METTL15: variants seen among roughly 807,000 people sequenced by gnomAD.
METTL15 encodes methyltransferase 15, mitochondrial 12S rRNA N4-cytidine.
A neutral mutation model predicts 38.3 loss-of-function variants in METTL15; 34 were observed. The ratio of observed to expected loss-of-function variants is 0.89; its 90% CI spans 0.68 to 1.18. The LOEUF is 1.18. METTL15 is among the 50% of genes most tolerant of loss of function. The pLI is 0.00. For missense variants in METTL15, 438 were observed against 498.4 expected, an observed-to-expected ratio of 0.88 and a Z score of 1.15; for synonymous variants, 162 against 170.9, an observed-to-expected ratio of 0.95 and a Z score of 0.41.
intron 3 of METTL15, among the ~76,000 whole-genome samples, chr11:28,143,970 C>G (rs1417367175): frequency 6.6e-6 from 1 of 152,122 alleles, no homozygotes; most frequent in Non-Finnish European, 1.5e-5. Context: ...ATTTCATTTC[C>G]AGGTTAGGTT....
intron 3 of METTL15, among the ~76,000 whole-genome samples, chr11:28,129,090 A>G (rs1356833890): frequency 6.6e-6 from 1 of 152,220 alleles, no homozygotes; most frequent in East Asian, 1.9e-4. Flanking sequence ...CTCATAGGAC[A>G]TGATGGAGAA....
At chr11:28,264,782 A>C (rs2133946238) in intron 4 of METTL15, among the ~76,000 whole-genome samples, 1 of 152,274 alleles carries the variant, frequency 6.6e-6, no homozygotes, top group East Asian at 1.9e-4. Flanking sequence ...GAGCTTGGAC[A>C]AATTACCATT....
At chr11:28,409,119 A>AG (rs1850701781) in intron 5 of METTL15, among the ~76,000 whole-genome samples, 1 of 152,146 alleles carries the variant, frequency 6.6e-6, no homozygotes, top group Non-Finnish European at 1.5e-5. Flanking sequence ...GCAGTGGCTC[A>AG]CGCCTGTAAT....
intron 5 of METTL15, among the ~76,000 whole-genome samples, chr11:28,378,164 T>C (rs1291958210): frequency 6.6e-6 from 1 of 152,164 alleles, no homozygotes; most frequent in East Asian, 1.9e-4. Context: ...CAGGCCTCCT[T>C]GAGCTGTGGT....
intron 3 of METTL15, among the ~76,000 whole-genome samples, chr11:28,114,302 A>G (rs1228001177): frequency 2.0e-5 from 3 of 152,102 alleles, no homozygotes; most frequent in Non-Finnish European, 4.4e-5. Flanking sequence ...TGTTGCATGT[A>G]TCTGTACTTG....
At chr11:28,363,877 C>A (rs893612513) in intron 5 of METTL15, among the ~76,000 whole-genome samples, 44 of 152,196 alleles carry the variant, frequency 2.9e-4, no homozygotes, top group African/African-American at 1.0e-3. Flanking sequence ...AGGTAGGAGT[C>A]CAGTTTTATT....
At chr11:28,431,303 G>C (rs1177504751) in intron 6 of METTL15, among the ~76,000 whole-genome samples, 14 of 145,380 alleles carry the variant, frequency 9.6e-5, no homozygotes, top group Admixed American at 7.7e-4. Flanking sequence ...TTGAGAACAG[G>C]CCAGGATGAC....
intron 3 of METTL15, among the ~76,000 whole-genome samples, chr11:28,202,363 G>T (rs1156252630): frequency 3.3e-5 from 5 of 152,046 alleles, no homozygotes; most frequent in African/African-American, 9.7e-5. Context: ...CTCCAGTTTA[G>T]TCCATCTTGC....
intron 6 of METTL15, among the ~76,000 whole-genome samples, chr11:28,310,990 G>GTC (rs1439852458): frequency 1.3e-5 from 2 of 148,228 alleles, no homozygotes; most frequent in African/African-American, 2.6e-5. Flanking sequence ...GTGTGTGTGT[G>GTC]TGTGTGTGTG....
intron 6 of METTL15, among the ~76,000 whole-genome samples, chr11:28,472,322 T>C (rs1851310215): frequency 6.6e-6 from 1 of 152,146 alleles, no homozygotes; most frequent in South Asian, 2.1e-4. Context: ...CTCAATAAAG[T>C]AGTCATCAAT....
chr11:28,527,917 G>C (rs1054695434), downstream of METTL15, among the ~76,000 whole-genome samples: 2 of 152,080 alleles, frequency 1.3e-5, no homozygotes, highest in African/African-American at 4.8e-5. Flanking sequence ...ATAATTCCTT[G>C]TCTGGAATAA....
intron 3 of METTL15, among the ~76,000 whole-genome samples, chr11:28,174,133 G>T (rs1266669979): frequency 6.6e-6 from 1 of 152,140 alleles, no homozygotes; most frequent in Non-Finnish European, 1.5e-5. Context: ...TTCATTGGGG[G>T]TGGAATATCT....
intron 3 of METTL15, among the ~76,000 whole-genome samples, chr11:28,143,529 T>G (rs1486471230): frequency 6.6e-6 from 1 of 152,188 alleles, no homozygotes; most frequent in Non-Finnish European, 1.5e-5. Context: ...TAATTCATCC[T>G]TCTTCTTTTG....
At chr11:28,410,171 A>T (rs1850712551) in intron 5 of METTL15, among the ~76,000 whole-genome samples, 1 of 152,182 alleles carries the variant, frequency 6.6e-6, no homozygotes, top group South Asian at 2.1e-4. Flanking sequence ...TTCACTACTG[A>T]TTACTGCCAA....
chr11:28,179,226 GT>G lies in METTL15; in HGVS notation c.271-31831del, dbSNP rs1346167502. On this transcript the variant is annotated intron_variant, in intron 3 of 6. Coordinates refer to ENST00000407364, the MANE Select transcript of METTL15 (RefSeq NM_001113528.2). ...TGTGGGTTGAAGTCTATAATCTTAT[GT>G]TTTTCCCCCTATTTGTATGGCTTAA... Among the ~76,000 whole-genome samples the G allele has an allele frequency of 2.6e-5, 4 of 151,702 alleles. No homozygotes were observed. The East Asian group carries it at 7.7e-4, about 29-fold the overall frequency.
chr11:28,385,607 A>T (rs1850431446), intron 5 of METTL15, among the ~76,000 whole-genome samples: 1 of 151,862 alleles, frequency 6.6e-6, no homozygotes, highest in African/African-American at 2.4e-5. Context: ...TTTGCTTAGG[A>T]TTGTCTTGGC....
At chr11:28,495,612 T>C (rs1004851462) in intron 6 of METTL15, among the ~76,000 whole-genome samples, 1 of 152,184 alleles carries the variant, frequency 6.6e-6, no homozygotes, top group African/African-American at 2.4e-5. Flanking sequence ...GTTATTCATA[T>C]AACTCTGAGA....
At chr11:28,137,241 A>G (rs969053360) in intron 3 of METTL15, among the ~76,000 whole-genome samples, 3 of 152,186 alleles carry the variant, frequency 2.0e-5, no homozygotes, top group African/African-American at 7.2e-5. Flanking sequence ...CTCATATAGA[A>G]TTTCTTTTGG....
chr11:28,144,286 A>G (rs1849804654), intron 3 of METTL15, among the ~76,000 whole-genome samples: 1 of 152,192 alleles, frequency 6.6e-6, no homozygotes, highest in African/African-American at 2.4e-5. Context: ...GCTGTACTCC[A>G]GGTTCTTATA....
Sources: gnomAD v4.1 joint callset for allele counts (sites outside exome capture counted in the v4.1 genomes callset) on GRCh38, gnomAD v4.1.1 for gene constraint, MANE v1.5 for transcripts, NCBI Gene and HGNC (gene_info 2026-07-23, HGNC 2026-07-21) for gene names.